The following THSD1 variants were observed in gnomAD, a reference collection of about 807,000 sequenced individuals.
The protein encoded by THSD1 is thrombospondin type 1 domain containing 1, also known as thrombospondin type-1 domain-containing protein 1.
Under a neutral mutation model 46.3 loss-of-function variants are expected in THSD1, and 34 were observed. The observed-to-expected ratio is 0.74, with a 90% CI of 0.56 to 0.98. The LOEUF (loss-of-function observed/expected upper bound fraction) is 0.98. Among genes scored for constraint, THSD1 ranks in the 50% least tolerant of loss-of-function variants. The pLI, the probability that THSD1 is intolerant of heterozygous loss-of-function variation, is 0.00. For missense variants in THSD1, 1,023 were observed against 1,058.3 expected (o/e 0.97, Z 0.46); for synonymous variants, 407 against 416.5 (o/e 0.98, Z 0.28).
In THSD1 at chr13:52,382,055, A is replaced by C. The variant is rs74085745; in HGVS notation, c.1181-3266T>G. ...CCTTTTGGTTTCAATGAGAACATTC[A>C]CTTATGTAATTTAGAGAGAAGAGCA... On this transcript the variant is annotated intron_variant, in intron 4 of 4. Transcript: ENST00000258613. 8.9e-3 allele frequency among the ~76,000 whole-genome samples: 1,352 copies of C among 152,252 alleles called. 18 individuals are homozygous for C. The highest frequency in any genetic ancestry group is 0.031 in the African/African-American group (1,292 of 41,550).
At chr13:52,396,317 A>T (rs1957810460) in intron 3 of THSD1, among the ~76,000 whole-genome samples, 1 of 152,102 alleles carries the variant, frequency 6.6e-6, no homozygotes, top group Non-Finnish European at 1.5e-5. Flanking sequence ...AGGTCAGGAG[A>T]TCGAGACCAT....
chr13:52,401,702 T>C (rs9526913), intron 2 of THSD1, among the ~76,000 whole-genome samples: 73,638 of 152,154 alleles, frequency 0.48, 20,016 homozygotes, highest in Middle Eastern at 0.65. Context: ...AAAGGAGGTC[T>C]ACTGAATGAA....
rs140638840 is a variant in THSD1, at chr13:52,390,828, C to A, written c.1022-4642G>T. ...AATCTTTTGTTGTTCCTTCTGAACT[C>A]TTTTGCTTTATATAATTTATTTAAG... is the stretch of plus-strand genomic sequence containing the variant. On this transcript the variant is annotated intron_variant, in intron 3 of 4. Transcript: ENST00000258613. 2.2e-4 allele frequency among the ~76,000 whole-genome samples: 33 copies of A among 152,156 alleles called. No homozygotes were observed. In the East Asian group the frequency reaches 3.9e-3, roughly 18 times the overall value.
In THSD1 at chr13:52,397,341, G is replaced by C. The variant is rs1344509011; in HGVS notation, c.912C>G (p.Asn304Lys). The change falls in exon 3 of 5, where the codon AAC becomes AAG. Residue 304 changes from asparagine (N) to lysine (K), a missense_variant. Physicochemically the swap from Asn to Lys is moderately conservative, Grantham distance 94 (BLOSUM62 0). Coordinates refer to ENST00000258613, the MANE Select transcript of THSD1 (RefSeq NM_018676.4). ...LPLGERRTIF[N>K]CTLFDMGKNK... ...TCTTCCCCATGTCAAACAAAGTACA[G>C]TTAAAAATTGTCCTCCTCTCTCCCA... 3 of 1,614,144 alleles carry C rather than the reference G, an allele frequency of 1.9e-6. No homozygotes were observed. In the South Asian group the frequency reaches 3.3e-5, roughly 18 times the overall value.
intron 4 of THSD1, among the ~76,000 whole-genome samples, chr13:52,380,081 T>C (rs920596613): frequency 3.3e-5 from 5 of 152,116 alleles, no homozygotes; most frequent in Admixed American, 6.5e-5. Context: ...CTACCTTCCA[T>C]TGTGAGGGGT....
chr13:52,402,771 A>G, intron 1 of THSD1, 90 bp from the exon 2 acceptor site: 1 of 1,400,710 alleles, frequency 7.1e-7, no homozygotes. Flanking sequence ...CTAAAACTCA[A>G]ACTTTCTAAG....
chr13:52,383,686 A>G (rs1205741059), intron 4 of THSD1, among the ~76,000 whole-genome samples: 1 of 152,194 alleles, frequency 6.6e-6, no homozygotes, highest in Non-Finnish European at 1.5e-5. Flanking sequence ...AGCTGAAGTA[A>G]AGGAGATTGT....
Position 52,378,180 on chromosome 13 carries a change from A to T in THSD1, c.1790T>A (p.Val597Asp). 6.2e-7 allele frequency: 1 copy of T among 1,614,052 alleles called. No individual in the cohort carries two copies. Among genetic ancestry groups the T allele is most frequent in the South Asian group, 1.1e-5 (1 of 91,078 alleles). The change falls in exon 5 of 5, where the codon GTC becomes GAC. Residue 597 changes from valine (V) to aspartate (D), a missense_variant. Physicochemically the swap from Val to Asp is radical, Grantham distance 152. Coordinates refer to ENST00000258613, the MANE Select transcript of THSD1 (RefSeq NM_018676.4). ...GGAGGGAGGCCTTTCCCCGGCACTG[A>T]CCGCGGGCTGCTCCGGAAATGGGGA... ...IKSPFPEQPA[V>D]SAGERPPSRL...
At chr13:52,389,522 A>C (rs1386022080) in intron 3 of THSD1, among the ~76,000 whole-genome samples, 1 of 152,170 alleles carries the variant, frequency 6.6e-6, no homozygotes, top group African/African-American at 2.4e-5. Flanking sequence ...CACTTTACGT[A>C]TAGACATATA....
chr13:52,396,683 G>A lies in THSD1; in HGVS notation c.1021+549C>T, dbSNP rs189377376. Among the ~76,000 whole-genome samples, 91 of 152,254 alleles carry A rather than the reference G, an allele frequency of 6.0e-4. 1 individual carries two copies. Among genetic ancestry groups the A allele is most frequent in the Non-Finnish European group, 3.7e-4 (25 of 68,012 alleles). On this transcript the variant is annotated intron_variant, in intron 3 of 4. Coordinates refer to ENST00000258613, the MANE Select transcript of THSD1 (RefSeq NM_018676.4). ...AATTGTCATAACCCTGTTTCTTCAT[G>A]ATTAGGTGGGGCATTACATAAAGAA...
chr13:52,390,834 C>A lies in THSD1; in HGVS notation c.1022-4648G>T, dbSNP rs73486132. ...TTGTTGTTCCTTCTGAACTCTTTTGCTTTATATAATTTATTTAAGTGCATA... is the reference window on the plus strand; with the variant it reads ...TTGTTGTTCCTTCTGAACTCTTTTGATTTATATAATTTATTTAAGTGCATA... On this transcript the variant is annotated intron_variant, in intron 3 of 4. Coordinates refer to ENST00000258613, the MANE Select transcript of THSD1 (RefSeq NM_018676.4). 5.1e-3 allele frequency among the ~76,000 whole-genome samples: 782 copies of A among 152,024 alleles called. 6 individuals carry two copies. The highest frequency in any genetic ancestry group is 0.017 in the African/African-American group (711 of 41,464).
chr13:52,380,104 T>C lies in THSD1; in HGVS notation c.1181-1315A>G, dbSNP rs565345691. Among the ~76,000 whole-genome samples, 6 of 152,226 alleles carry C rather than the reference T, an allele frequency of 3.9e-5. No homozygotes were observed. In the South Asian group the frequency reaches 1.2e-3, roughly 32 times the overall value. Reference sequence around the variant, plus strand: ...CATTGTGAGGGGTACTTTTCTTCTTTTTCCCTCCTCAAACTGGTTTGTCCC... The same window carrying C: ...CATTGTGAGGGGTACTTTTCTTCTTCTTCCCTCCTCAAACTGGTTTGTCCC... On this transcript the variant is annotated intron_variant, in intron 4 of 4. Transcript: ENST00000258613.
At chr13:52,391,919 A>G (rs551421914) in intron 3 of THSD1, among the ~76,000 whole-genome samples, 209 of 151,666 alleles carry the variant, frequency 1.4e-3, no homozygotes, top group South Asian at 6.1e-3. Context: ...TAGGCCAGGC[A>G]CGGTGGCTCA....
At position 52,378,172 on chromosome 13, in the gene THSD1, C is replaced by T; in HGVS notation, c.1798G>A (p.Gly600Arg). 1 of 1,614,166 alleles carries T rather than the reference C, an allele frequency of 6.2e-7. No individual in the cohort carries two copies. The highest frequency in any genetic ancestry group is 8.5e-7 in the Non-Finnish European group (1 of 1,180,024). The stretch of plus-strand genomic sequence containing the variant: ...TCCAGCCTGGAGGGAGGCCTTTCCC[C>T]GGCACTGACCGCGGGCTGCTCCGGA... Reference protein sequence around the residue: ...PFPEQPAVSAGERPPSRLDLN... With the variant: ...PFPEQPAVSARERPPSRLDLN... The change falls in exon 5 of 5, where the codon GGG (glycine) becomes AGG (arginine). Residue 600 changes from glycine to arginine, a missense_variant. By Grantham distance (125) the Gly-to-Arg change is moderately radical. Transcript: ENST00000258613.
chr13:52,395,778 T>C (rs1320971422), intron 3 of THSD1, among the ~76,000 whole-genome samples: 1 of 152,130 alleles, frequency 6.6e-6, no homozygotes, highest in South Asian at 2.1e-4. Flanking sequence ...TGGAGTCCTG[T>C]ACCTCATTTG....
intron 3 of THSD1, among the ~76,000 whole-genome samples, chr13:52,386,506 C>G (rs780842350): frequency 6.6e-6 from 1 of 152,088 alleles, no homozygotes; most frequent in East Asian, 1.9e-4. Context: ...GGGCAGACAC[C>G]AGGCTGCATA....
In THSD1 at chr13:52,397,671, T is replaced by C; in HGVS notation, c.582A>G (p.Thr194=). The C allele has an allele frequency of 6.2e-7, 1 of 1,614,220 alleles. No individual in the cohort carries two copies. The highest frequency in any genetic ancestry group is 8.5e-7 in the Non-Finnish European group (1 of 1,180,042). The change falls in exon 3 of 5, where the codon ACA becomes ACG. Residue 194 remains threonine (T), a synonymous_variant. Transcript: ENST00000258613. ...CAACCCACTGACCTTGAGCAAGTTCTGTCCTTTTGCTGGTTCTTATTTCCA... is the reference window on the plus strand; with the variant it reads ...CAACCCACTGACCTTGAGCAAGTTCCGTCCTTTTGCTGGTTCTTATTTCCA... ...QPLEIRTSKR[T]ELAQGQWVEF...
intron 2 of THSD1, chr13:52,398,409 A>G: frequency 1.6e-6 from 1 of 641,510 alleles, no homozygotes; most frequent in Non-Finnish European, 1.9e-6. Flanking sequence ...AGCTGGGACT[A>G]CAGGCACATG....
intron 4 of THSD1, 79 bp from the exon 5 acceptor site, chr13:52,378,868 T>C (rs574933036): frequency 3.3e-4 from 455 of 1,384,196 alleles, no homozygotes; most frequent in African/African-American, 2.3e-3. Context: ...CTTTTCTTTT[T>C]TTTTTTTTTT....
Sources: gnomAD v4.1 joint callset for allele counts (sites outside exome capture counted in the v4.1 genomes callset) on GRCh38, gnomAD v4.1.1 for gene constraint, MANE v1.5 for transcripts, NCBI Gene and HGNC (gene_info 2026-07-23, HGNC 2026-07-21) for gene names.